The following TMEM120B variants were observed in gnomAD, a reference collection of about 807,000 sequenced individuals.
The protein encoded by TMEM120B is transmembrane protein 120B.
TMEM120B carries 31 observed loss-of-function variants against 55.5 expected under a neutral mutation model. The observed-to-expected ratio is 0.56, with a 90% CI of 0.42 to 0.75. TMEM120B has a LOEUF of 0.75. Among genes scored for constraint, TMEM120B ranks in the 30% least tolerant of loss-of-function variants. TMEM120B has a pLI of 0.00. For missense variants in TMEM120B, 399 were observed against 425.5 expected (o/e 0.94, Z 0.55); for synonymous variants, 203 against 176.3 (o/e 1.15, Z -1.20).
At chr12:121,714,810 T>A (rs1382419790) in intron 1 of TMEM120B, among the ~76,000 whole-genome samples, 2 of 151,816 alleles carry the variant, frequency 1.3e-5, no homozygotes, top group African/African-American at 2.4e-5. Context: ...TCTGCCTGCC[T>A]CGGCCTCCCA....
chr12:121,718,872 A>G (rs1894746318), intron 1 of TMEM120B, among the ~76,000 whole-genome samples: 1 of 152,000 alleles, frequency 6.6e-6, no homozygotes, highest in South Asian at 2.1e-4. Flanking sequence ...AGCTCAGGTG[A>G]TGTCTGTGTC....
intron 5 of TMEM120B, among the ~76,000 whole-genome samples, chr12:121,755,025 G>A (rs1873439211): frequency 6.6e-6 from 1 of 152,196 alleles, no homozygotes; most frequent in African/African-American, 2.4e-5. Flanking sequence ...CTGGAGACTG[G>A]TTAGACTGGT....
intron 9 of TMEM120B, among the ~76,000 whole-genome samples, chr12:121,774,067 C>T (rs1446358932): frequency 2.0e-5 from 3 of 151,626 alleles, no homozygotes; most frequent in Admixed American, 2.0e-4. Context: ...GTGATTCTCC[C>T]GCCTCAGCCT....
chr12:121,770,024 C>T (rs999141987), intron 6 of TMEM120B, among the ~76,000 whole-genome samples: 11 of 152,080 alleles, frequency 7.2e-5, no homozygotes, highest in East Asian at 1.9e-4. Flanking sequence ...TGCACTTGGA[C>T]GAGGAGCCAG....
In TMEM120B at chr12:121,723,478, G is replaced by A. The variant is rs184591088; in HGVS notation, c.69+10514G>A. On this transcript the variant is annotated intron_variant, in intron 1 of 11. Transcript: ENST00000449592. ...GAGGAGTCACCAGAGCTTGGCACAA[G>A]CTTGTGCTGGCGGGGCAGGAGCTGC... Among the ~76,000 whole-genome samples the A allele has an allele frequency of 3.9e-5, 6 of 152,296 alleles. No individual in the cohort carries two copies. In the East Asian group the frequency reaches 1.2e-3, roughly 29 times the overall value.
rs547734173 is a variant in TMEM120B at position 121,758,226 on chromosome 12, G to A, written c.462-3423G>A. On this transcript the variant is annotated intron_variant, in intron 5 of 11. Coordinates refer to ENST00000449592, the MANE Select transcript of TMEM120B (RefSeq NM_001080825.2). ...CTCTCACAGAGTTCTTTTCCCTGGG[G>A]ATGCTCACATGGTGGGTCGGCCTCT... The A allele has an allele frequency of 1.4e-4, 137 of 985,476 alleles. No homozygotes were observed. The East Asian group carries it at 7.1e-3, about 51-fold the overall frequency. 61.0% of individuals were successfully genotyped at this position (985,476 alleles called of 1,614,324 possible). A position where few individuals can be genotyped will look rare whatever the true frequency, so the allele number is the denominator to read the frequency against.
intron 3 of TMEM120B, among the ~76,000 whole-genome samples, chr12:121,749,658 C>T (rs998060034): frequency 3.3e-5 from 5 of 152,188 alleles, no homozygotes; most frequent in Non-Finnish European, 7.3e-5. Context: ...GTAATCCCAG[C>T]ACTTTGGGAG....
At chr12:121,758,728 G>A (rs1237668210) in intron 5 of TMEM120B, 3 of 978,692 alleles carry the variant, frequency 3.1e-6, no homozygotes, top group East Asian at 1.2e-4. Context: ...CCAGCTCCAC[G>A]CTGTGGTCAC....
intron 1 of TMEM120B, among the ~76,000 whole-genome samples, chr12:121,740,880 G>A (rs1872915089): frequency 6.6e-6 from 1 of 152,068 alleles, no homozygotes; most frequent in African/African-American, 2.4e-5. Flanking sequence ...AAATCTTTTT[G>A]GTAAAAGGCC....
In TMEM120B at chr12:121,775,820, A is replaced by G. The variant is rs752613692; in HGVS notation, c.*98A>G. The G allele has an allele frequency of 3.0e-6, 4 of 1,321,976 alleles. No individual in the cohort carries two copies. The African/African-American group carries it at 5.8e-5, about 19-fold the overall frequency. The allele number at this position is 1,321,976 out of a possible 1,614,324, so 81.9% of individuals were successfully genotyped here. A position where few individuals can be genotyped will look rare whatever the true frequency, so the allele number is the denominator to read the frequency against. On this transcript the variant is annotated 3_prime_UTR_variant, in exon 12 of 12. Coordinates refer to ENST00000449592, the MANE Select transcript of TMEM120B (RefSeq NM_001080825.2). This position sits in a 1 kb window ranked among gnomAD's most constrained non-coding sequence, Gnocchi z 4.3. Reference sequence around the variant, plus strand: ...CTCAGGCCCGTGGCATCGCTGGGAGAGGGCCCAGGCCCTGGTCCCCCAGTG... The same window carrying G: ...CTCAGGCCCGTGGCATCGCTGGGAGGGGGCCCAGGCCCTGGTCCCCCAGTG...
chr12:121,730,659 AAAAAC>A (rs1218166541), intron 1 of TMEM120B, among the ~76,000 whole-genome samples: 50 of 147,694 alleles, frequency 3.4e-4, no homozygotes, highest in Admixed American at 2.2e-3. Flanking sequence ...AAAAAAAAAA[AAAAAC>A]AAACAAAAAA....
At chr12:121,755,999 G>A (rs1295662253) in intron 5 of TMEM120B, among the ~76,000 whole-genome samples, 1 of 152,162 alleles carries the variant, frequency 6.6e-6, no homozygotes, top group African/African-American at 2.4e-5. Flanking sequence ...CAGGGATGTG[G>A]TAAGTGCACC....
chr12:121,733,566 G>A (rs1053828808), intron 1 of TMEM120B, among the ~76,000 whole-genome samples: 4 of 134,152 alleles, frequency 3.0e-5, no homozygotes, highest in African/African-American at 1.1e-4. Context: ...TTGAGACAGA[G>A]TCTCACTCTG....
At position 121,763,308 on chromosome 12, in the gene TMEM120B, G is replaced by A. The variant is rs533017460; in HGVS notation, c.551+1570G>A. On this transcript the variant is annotated intron_variant, in intron 6 of 11. Coordinates refer to ENST00000449592, the MANE Select transcript of TMEM120B (RefSeq NM_001080825.2). Reference sequence around the variant, plus strand: ...CTCTTGAGTAGCTGGGACTACAGGCGCCCGCCACCACACCCGGCTAATTTT... The same window carrying A: ...CTCTTGAGTAGCTGGGACTACAGGCACCCGCCACCACACCCGGCTAATTTT... Among the ~76,000 whole-genome samples, 9 of 151,554 alleles carry A rather than the reference G, an allele frequency of 5.9e-5. No individual in the cohort carries two copies. In the South Asian group the frequency reaches 1.0e-3, roughly 18 times the overall value.
In TMEM120B at chr12:121,713,053, C is replaced by T. The variant is rs1006212059; in HGVS notation, c.69+89C>T. 1.1e-5 allele frequency: 13 copies of T among 1,147,560 alleles called. No homozygotes were observed. In the Admixed American group the frequency reaches 3.6e-4, roughly 32 times the overall value. The allele number at this position is 1,147,560 out of a possible 1,614,324, so 71.1% of individuals were successfully genotyped here. A position where few individuals can be genotyped will look rare whatever the true frequency, so the allele number is the denominator to read the frequency against. ...AGCCCCCCGGCCCGGGCGGTGGGGA[C>T]AGTCAGGGCCTAGGGAGTGCCCCGG... On this transcript the variant is annotated intron_variant, in intron 1 of 11. Transcript: ENST00000449592.
Position 121,781,422 on chromosome 12 carries a change from GA to G in TMEM120B, c.*5701del, listed in dbSNP as rs1163143466. On this transcript the variant is annotated 3_prime_UTR_variant, in exon 12 of 12. Transcript: ENST00000449592. ...GGAGGTCAAGGCTACAGTGAGCCGTGATCATGCCACTGCACTCCAGCCTGGG... is the reference window on the plus strand; with the variant it reads ...GGAGGTCAAGGCTACAGTGAGCCGTGTCATGCCACTGCACTCCAGCCTGGG... 5 of 502,128 alleles carry G rather than the reference GA, an allele frequency of 1.0e-5. No individual in the cohort carries two copies. The highest frequency in any genetic ancestry group is 1.8e-5 in the Non-Finnish European group (5 of 275,624). The allele number at this position is 502,128 out of a possible 1,614,324, so 31.1% of individuals were successfully genotyped here.
chr12:121,764,895 A>C (rs1397047995), intron 6 of TMEM120B, among the ~76,000 whole-genome samples: 2 of 152,104 alleles, frequency 1.3e-5, no homozygotes, highest in Non-Finnish European at 2.9e-5. Context: ...ACAGTTTAGC[A>C]GGAGCTGTTC....
rs74478146 is a variant in TMEM120B, at chr12:121,778,577, G to C, written c.*2855G>C. The C allele has an allele frequency of 6.6e-6, 1 of 151,978 alleles. No homozygotes were observed. The highest frequency in any genetic ancestry group is 2.4e-5 in the African/African-American group (1 of 41,338). The allele number at this position is 151,978 out of a possible 1,614,324, so 9.4% of individuals were successfully genotyped here. On this transcript the variant is annotated 3_prime_UTR_variant, in exon 12 of 12. Transcript: ENST00000449592. ...TGAACCAGTTCTGAGAAACTGTCCC[G>C]CGTGGACAGGGGGTAGATCCCATCA... is the stretch of plus-strand genomic sequence containing the variant.
intron 1 of TMEM120B, among the ~76,000 whole-genome samples, chr12:121,727,763 A>G (rs905361954): frequency 1.4e-5 from 2 of 145,802 alleles, no homozygotes; most frequent in South Asian, 2.2e-4. Flanking sequence ...AGTCCCAGCT[A>G]CTCGGGAGGC....
Sources: allele counts gnomAD v4.1 joint callset (sites outside exome capture counted in the v4.1 genomes callset), GRCh38; gene constraint gnomAD v4.1.1; non-coding constraint Gnocchi (gnomAD v3.1); transcripts MANE v1.5; gene names NCBI Gene and HGNC (gene_info 2026-07-23, HGNC 2026-07-21).